The following CPNE5 variants were observed in gnomAD, a reference collection of about 807,000 sequenced individuals.
CPNE5 encodes copine-5.
In CPNE5, 42 loss-of-function variants were observed where a neutral mutation model predicts 81.1. That is an observed-to-expected ratio of 0.52 (90% CI 0.40 to 0.67). CPNE5 has a LOEUF of 0.67. Ranked by LOEUF, CPNE5 falls within the 30% of genes least tolerant of loss-of-function variation. The probability of loss-of-function intolerance (pLI) is 0.00; values close to 1 mark genes in which losing one functional copy is unlikely to be tolerated. For missense variants in CPNE5, 612 were observed against 815.5 expected, an observed-to-expected ratio of 0.75 and a Z score of 3.04; for synonymous variants, 313 against 321.5, an observed-to-expected ratio of 0.97 and a Z score of 0.28.
At chr6:36,753,125 G>T in intron 13 of CPNE5, 30 bp from the exon 14 acceptor site, 2 of 1,592,394 alleles carry the variant, frequency 1.3e-6, no homozygotes, top group African/African-American at 1.3e-5. Context: ...TTGGTCAGTG[G>T]GGAGCCTGGG....
At chr6:36,812,713 G>A (rs1342787403) in intron 3 of CPNE5, among the ~76,000 whole-genome samples, 1 of 152,188 alleles carries the variant, frequency 6.6e-6, no homozygotes, top group African/African-American at 2.4e-5. Flanking sequence ...GCCTAACCCT[G>A]ATCACGGGGA....
intron 1 of CPNE5, among the ~76,000 whole-genome samples, chr6:36,824,857 G>A (rs1284836777): frequency 6.6e-6 from 1 of 152,168 alleles, no homozygotes; most frequent in African/African-American, 2.4e-5. Flanking sequence ...GAGGCAGGAG[G>A]ATCACTTGAA....
Position 36,798,427 on chromosome 6 carries a change from T to G in CPNE5, c.327+28A>C, listed in dbSNP as rs11963339. The G allele has an allele frequency of 8.3e-4, 1,331 of 1,611,562 alleles. 10 individuals carry two copies. In the African/African-American group the frequency reaches 0.016, roughly 19 times the overall value. On this transcript the variant is annotated intron_variant, in intron 5 of 20. Coordinates refer to ENST00000244751, the MANE Select transcript of CPNE5 (RefSeq NM_020939.2). Reference sequence around the variant, plus strand: ...GGATGGCATTTCAGAAACTATGGAATTGCTGAGCAGTTACTGGCAGAACTC... The same window carrying G: ...GGATGGCATTTCAGAAACTATGGAAGTGCTGAGCAGTTACTGGCAGAACTC...
chr6:36,772,988 C>G (rs765374603), intron 10 of CPNE5, among the ~76,000 whole-genome samples: 1 of 152,040 alleles, frequency 6.6e-6, no homozygotes, highest in Non-Finnish European at 1.5e-5. Flanking sequence ...CACAGATGTG[C>G]GCCACTATAC....
intron 3 of CPNE5, among the ~76,000 whole-genome samples, chr6:36,804,906 T>C (rs1770448747): frequency 6.6e-6 from 1 of 152,124 alleles, no homozygotes; most frequent in Non-Finnish European, 1.5e-5. Flanking sequence ...TTACTAAGAC[T>C]CAGAGGTAGT....
At chr6:36,784,296 G>A (rs970545680) in intron 8 of CPNE5, among the ~76,000 whole-genome samples, 6 of 152,194 alleles carry the variant, frequency 3.9e-5, no homozygotes, top group Admixed American at 1.3e-4. Context: ...ACTCCGTGGG[G>A]GATAAAACAG....
chr6:36,786,180 T>A (rs1274016619), intron 8 of CPNE5, among the ~76,000 whole-genome samples: 1 of 151,750 alleles, frequency 6.6e-6, no homozygotes, highest in African/African-American at 2.4e-5. Flanking sequence ...AGCACTCCAG[T>A]AGGAGGAAAC....
At chr6:36,801,282 C>T (rs1770078645) in intron 3 of CPNE5, among the ~76,000 whole-genome samples, 1 of 152,170 alleles carries the variant, frequency 6.6e-6, no homozygotes, top group African/African-American at 2.4e-5. Flanking sequence ...TGTGGAGGGC[C>T]TCACTCCAGA....
intron 7 of CPNE5, 159 bp from the exon 8 acceptor site, chr6:36,792,255 T>C (rs1769167258): frequency 7.7e-7 from 1 of 1,296,812 alleles, no homozygotes; most frequent in Non-Finnish European, 1.1e-6. Context: ...GAGATCCTTG[T>C]GGCAGTGTGG....
intron 12 of CPNE5, among the ~76,000 whole-genome samples, chr6:36,756,530 G>A (rs536580543): frequency 1.0e-3 from 154 of 152,260 alleles, no homozygotes; most frequent in Non-Finnish European, 1.1e-3. Flanking sequence ...ACGATCAACC[G>A]GGAATATTTA....
intron 6 of CPNE5, among the ~76,000 whole-genome samples, chr6:36,796,673 T>G (rs1435996817): frequency 6.6e-6 from 1 of 152,112 alleles, no homozygotes; most frequent in East Asian, 1.9e-4. Context: ...GAATGTGAAT[T>G]TTGTATGCTT....
intron 3 of CPNE5, among the ~76,000 whole-genome samples, chr6:36,801,229 CT>C (rs1163496492): frequency 1.3e-5 from 2 of 152,236 alleles, no homozygotes; most frequent in African/African-American, 4.8e-5. Flanking sequence ...GGCCAAATCA[CT>C]CCCCATCTTT....
intron 19 of CPNE5, 123 bp from the exon 20 acceptor site, chr6:36,743,885 C>G: frequency 2.3e-6 from 2 of 853,394 alleles, no homozygotes; most frequent in South Asian, 2.9e-5. Context: ...GGCCCATGCC[C>G]CGTGTTAGAG....
In CPNE5 at chr6:36,775,024, A is replaced by G; in HGVS notation, c.674T>C (p.Leu225Pro). 1.9e-6 allele frequency: 3 copies of G among 1,614,214 alleles called. No individual in the cohort carries two copies. The highest frequency in any genetic ancestry group is 2.5e-6 in the Non-Finnish European group (3 of 1,180,020). The change falls in exon 10 of 21, where the codon CTA becomes CCA. Residue 225 changes from leucine (L) to proline (P), a missense_variant. Transcript: ENST00000244751. ...GGAGAAAGTTTGCCAGACTGGATTT[A>G]GGGTGTTCTTCATGACCTCGGTCTT... The part of the protein sequence containing the change: ...CHKTEVMKNT[L>P]NPVWQTFSIP...
At chr6:36,819,309 A>G (rs1771834815) in intron 3 of CPNE5, among the ~76,000 whole-genome samples, 1 of 152,232 alleles carries the variant, frequency 6.6e-6, no homozygotes, top group Non-Finnish European at 1.5e-5. Flanking sequence ...CATGTTGTCC[A>G]GGCTAGTCTC....
intron 3 of CPNE5, among the ~76,000 whole-genome samples, chr6:36,802,137 T>C (rs148108252): frequency 0.013 from 1,906 of 142,924 alleles, 50 homozygotes; most frequent in African/African-American, 0.048. Flanking sequence ...GAGAATCGCT[T>C]GAACCCAGGA....
chr6:36,818,302 A>T (rs1183644224), intron 3 of CPNE5, among the ~76,000 whole-genome samples: 1 of 151,974 alleles, frequency 6.6e-6, no homozygotes, highest in Middle Eastern at 3.2e-3. Context: ...TCTTCCATCC[A>T]TACTTCCCTT....
chr6:36,756,128 C>T, intron 13 of CPNE5, 117 bp downstream of exon 13: 1 of 464,552 alleles, frequency 2.2e-6, no homozygotes, highest in Non-Finnish European at 4.0e-6. Flanking sequence ...TCTTGGATGT[C>T]TGATTCCCAC....
intron 8 of CPNE5, among the ~76,000 whole-genome samples, chr6:36,789,750 C>T (rs544692086): frequency 2.0e-5 from 3 of 152,290 alleles, no homozygotes; most frequent in East Asian, 1.9e-4. Context: ...GCTGAACACT[C>T]GGTCTGTGCT....
Sources: allele counts gnomAD v4.1 joint callset (sites outside exome capture counted in the v4.1 genomes callset), GRCh38; gene constraint gnomAD v4.1.1; transcripts MANE v1.5; gene names NCBI Gene and HGNC (gene_info 2026-07-23, HGNC 2026-07-21).